GRID2: variants seen among roughly 807,000 people sequenced by gnomAD.
GRID2 encodes glutamate ionotropic receptor delta type subunit 2.
GRID2 carries 33 observed loss-of-function variants against 114.8 expected under a neutral mutation model. The observed-to-expected ratio is 0.29, with a 90% CI of 0.22 to 0.38. GRID2 has a LOEUF of 0.38. Among genes scored for constraint, GRID2 ranks in the 10% least tolerant of loss-of-function variants. The probability of loss-of-function intolerance (pLI) is 1.00; values close to 1 mark genes in which losing one functional copy is unlikely to be tolerated. For missense variants in GRID2, 1,184 were observed against 1,257.7 expected, an observed-to-expected ratio of 0.94 and a Z score of 0.89; for synonymous variants, 505 against 449.9, an observed-to-expected ratio of 1.12 and a Z score of -1.55.
intron 1 of GRID2, among the ~76,000 whole-genome samples, chr4:92,364,217 G>A (rs573516760): frequency 6.6e-6 from 1 of 152,108 alleles, no homozygotes; most frequent in Admixed American, 6.6e-5. Context: ...AACACTGCTT[G>A]TAGCCTCTGC....
intron 13 of GRID2, among the ~76,000 whole-genome samples, chr4:93,619,715 A>G (rs904578517): frequency 2.0e-5 from 3 of 152,226 alleles, no homozygotes; most frequent in African/African-American, 7.2e-5. Flanking sequence ...ATATAAACCA[A>G]ATATTCATTT....
chr4:93,400,849 TTTA>T (rs1168127446), intron 9 of GRID2, among the ~76,000 whole-genome samples: 1 of 152,062 alleles, frequency 6.6e-6, no homozygotes, highest in Admixed American at 6.6e-5. Context: ...GTTGTTTGTT[TTTA>T]TTGAGACAGG....
At chr4:92,663,235 A>T (rs1375080801) in intron 2 of GRID2, among the ~76,000 whole-genome samples, 1 of 151,180 alleles carries the variant, frequency 6.6e-6, no homozygotes, top group Non-Finnish European at 1.5e-5. Flanking sequence ...CAAGTAAATT[A>T]ACCATAATAT....
chr4:93,688,739 G>A (rs2110109799), intron 14 of GRID2, among the ~76,000 whole-genome samples: 1 of 152,172 alleles, frequency 6.6e-6, no homozygotes, highest in Admixed American at 6.5e-5. Context: ...AAGACAGAAT[G>A]TTTTTTATTT....
At chr4:93,763,262 T>G (rs1733365279) in intron 14 of GRID2, among the ~76,000 whole-genome samples, 1 of 152,196 alleles carries the variant, frequency 6.6e-6, no homozygotes, top group Non-Finnish European at 1.5e-5. Context: ...AAGAATTGAG[T>G]AATTCTCTCA....
intron 2 of GRID2, among the ~76,000 whole-genome samples, chr4:93,075,906 T>G (rs1197282914): frequency 9.5e-6 from 1 of 105,674 alleles, no homozygotes; most frequent in African/African-American, 3.6e-5. Flanking sequence ...TTTTTTTTTT[T>G]TTTTTTTTTT....
intron 2 of GRID2, among the ~76,000 whole-genome samples, chr4:92,903,526 T>G (rs1239317118): frequency 6.6e-6 from 1 of 151,972 alleles, no homozygotes; most frequent in Admixed American, 6.6e-5. Context: ...CCCACAGGAA[T>G]AAATTTCAAA....
intron 4 of GRID2, among the ~76,000 whole-genome samples, chr4:93,141,998 AG>A (rs1735811654): frequency 6.6e-6 from 1 of 152,158 alleles, no homozygotes; most frequent in South Asian, 2.1e-4. Flanking sequence ...CTGTAATCCC[AG>A]CACTGTGGGC....
At chr4:93,150,834 A>G (rs1001549845) in intron 4 of GRID2, among the ~76,000 whole-genome samples, 4 of 151,946 alleles carry the variant, frequency 2.6e-5, no homozygotes, top group Non-Finnish European at 4.4e-5. Flanking sequence ...ACCCACAGAA[A>G]TACAGTCAGA....
chr4:92,564,580 C>T (rs1313001739), intron 1 of GRID2, among the ~76,000 whole-genome samples: 3 of 151,838 alleles, frequency 2.0e-5, no homozygotes, highest in Non-Finnish European at 2.9e-5. Context: ...GTTTCTATCC[C>T]TTATCAGTAC....
chr4:93,149,821 G>C (rs147356584), intron 4 of GRID2, among the ~76,000 whole-genome samples: 1 of 151,816 alleles, frequency 6.6e-6, no homozygotes, highest in East Asian at 2.0e-4. Flanking sequence ...TTCTTGTAGA[G>C]ATGAGGTCTC....
chr4:93,328,192 A>T (rs1758052472), intron 8 of GRID2, among the ~76,000 whole-genome samples: 1 of 152,164 alleles, frequency 6.6e-6, no homozygotes, highest in Non-Finnish European at 1.5e-5. Flanking sequence ...TGTAAATGAG[A>T]TAATGCCACT....
chr4:92,855,932 G>C (rs917776258), intron 2 of GRID2, among the ~76,000 whole-genome samples: 1 of 151,944 alleles, frequency 6.6e-6, no homozygotes, highest in Non-Finnish European at 1.5e-5. Flanking sequence ...CTACTTGAAG[G>C]TTGCATCATG....
chr4:93,128,061 A>AAAAAAAAAAAAAAAAAAAAAAG (rs1560908630), intron 4 of GRID2, among the ~76,000 whole-genome samples: 1 of 84,072 alleles, frequency 1.2e-5, no homozygotes, highest in African/African-American at 5.7e-5. Context: ...AAAAAAAAAC[A>AAAAAAAAAAAAAAAAAAAAAAG]ACAGTACGTG....
At chr4:92,533,837 C>A (rs984206749) in intron 1 of GRID2, among the ~76,000 whole-genome samples, 1 of 151,968 alleles carries the variant, frequency 6.6e-6, no homozygotes, top group Non-Finnish European at 1.5e-5. Flanking sequence ...CCACAATCAG[C>A]AGACTTAATA....
chr4:93,412,557 A>G (rs1767305091), intron 9 of GRID2, among the ~76,000 whole-genome samples: 2 of 152,118 alleles, frequency 1.3e-5, no homozygotes, highest in African/African-American at 4.8e-5. Context: ...AATATAAAAA[A>G]TTTACAGCCT....
In GRID2 at chr4:93,271,023, TTA is replaced by T. The variant is rs372806686; in HGVS notation, c.1245+32536_1245+32537del. ...TTTATGCATGATTGACTAAGTGCTT[TTA>T]TAGCTAATTAAAGGAAAGATTGAGG... On this transcript the variant is annotated intron_variant, in intron 8 of 15. Transcript: ENST00000282020. Among the ~76,000 whole-genome samples the T allele has an allele frequency of 4.9e-3, 742 of 152,296 alleles. 4 individuals carry two copies. The highest frequency in any genetic ancestry group is 0.017 in the African/African-American group (704 of 41,552).
chr4:92,534,156 ATATT>A (rs1340188443), intron 1 of GRID2, among the ~76,000 whole-genome samples: 2 of 152,092 alleles, frequency 1.3e-5, no homozygotes, highest in Admixed American at 1.3e-4. Flanking sequence ...GCAAAGGTAT[ATATT>A]AATGTTTAAT....
chr4:93,046,431 A>G (rs1349139820), intron 2 of GRID2, among the ~76,000 whole-genome samples: 1 of 152,132 alleles, frequency 6.6e-6, no homozygotes, highest in Admixed American at 6.6e-5. Context: ...GATAAAAGTG[A>G]AAGCTGAAGG....
Sources: allele counts gnomAD v4.1 joint callset (sites outside exome capture counted in the v4.1 genomes callset), GRCh38; gene constraint gnomAD v4.1.1; transcripts MANE v1.5; gene names NCBI Gene and HGNC (gene_info 2026-07-23, HGNC 2026-07-21).